The following DPP6 variants were observed in gnomAD, a reference collection of about 807,000 sequenced individuals.
DPP6 encodes A-type potassium channel modulatory protein DPP6.
In DPP6, 69 loss-of-function variants were observed where a neutral mutation model predicts 122.6. The observed-to-expected ratio is 0.56, with a 90% CI of 0.46 to 0.69. DPP6 has a LOEUF of 0.69. DPP6 is among the 30% of genes least tolerant of loss of function. DPP6 has a pLI of 0.00. For missense variants in DPP6, 928 were observed against 1,116.9 expected, an observed-to-expected ratio of 0.83 and a Z score of 2.41; for synonymous variants, 418 against 433.1, an observed-to-expected ratio of 0.97 and a Z score of 0.43.
At chr7:154,248,503 G>A (rs746968505) in intron 1 of DPP6, among the ~76,000 whole-genome samples, 43 of 152,186 alleles carry the variant, frequency 2.8e-4, no homozygotes, top group Non-Finnish European at 5.1e-4. Context: ...ATGAGAAAAT[G>A]TCTTCTGTCT....
chr7:153,951,340 G>C (rs1294389249), intron 1 of DPP6, among the ~76,000 whole-genome samples: 1 of 152,306 alleles, frequency 6.6e-6, no homozygotes, highest in African/African-American at 2.4e-5. Context: ...GAGAATATCT[G>C]ACCTGCTCCT....
exon 1 of DPP6, chr7:153,887,619 T>C: frequency 6.3e-7 from 1 of 1,589,856 alleles, no homozygotes. Context: ...ACTTTAATCC[T>C]CACCAGGACA....
At chr7:154,884,918 TCACA>T (rs1259694384) in intron 21 of DPP6, 2 of 152,548 alleles carry the variant, frequency 1.3e-5, no homozygotes, top group Admixed American at 1.3e-4. Flanking sequence ...CCCCATATAC[TCACA>T]CACACGCTGC....
intron 1 of DPP6, among the ~76,000 whole-genome samples, chr7:153,957,503 CAGTAA>C (rs1563047594): frequency 6.6e-6 from 1 of 152,178 alleles, no homozygotes. Flanking sequence ...GAAGTTGGAG[CAGTAA>C]AGCTGATGGG....
At chr7:154,615,739 T>A (rs1400460052) in intron 5 of DPP6, among the ~76,000 whole-genome samples, 1 of 151,898 alleles carries the variant, frequency 6.6e-6, no homozygotes, top group Non-Finnish European at 1.5e-5. Flanking sequence ...TTTTTCATCA[T>A]CCACAACAGA....
chr7:153,947,720 G>T (rs936677086), intron 1 of DPP6, among the ~76,000 whole-genome samples: 1 of 152,060 alleles, frequency 6.6e-6, no homozygotes, highest in African/African-American at 2.4e-5. Context: ...GAGGGTGATC[G>T]GTGGGAACCG....
At chr7:154,547,482 C>T (rs989819820) in intron 4 of DPP6, among the ~76,000 whole-genome samples, 3 of 152,194 alleles carry the variant, frequency 2.0e-5, no homozygotes, top group African/African-American at 7.2e-5. Flanking sequence ...AGGCAGCTGG[C>T]CCCTCAGACA....
chr7:154,010,954 G>A (rs968969104), intron 1 of DPP6, among the ~76,000 whole-genome samples: 1 of 152,216 alleles, frequency 6.6e-6, no homozygotes, highest in South Asian at 2.1e-4. Context: ...GTCAGAAGTA[G>A]AAATGGGTAC....
chr7:154,452,106 C>A (rs1820431355), intron 2 of DPP6, among the ~76,000 whole-genome samples: 1 of 152,226 alleles, frequency 6.6e-6, no homozygotes, highest in African/African-American at 2.4e-5. Flanking sequence ...TGCCTGCCAA[C>A]AGAGCCAGCA....
intron 16 of DPP6, among the ~76,000 whole-genome samples, chr7:154,814,803 A>G (rs984439718): frequency 4.6e-5 from 7 of 152,136 alleles, no homozygotes; most frequent in Admixed American, 2.6e-4. Flanking sequence ...TTTTTGACTT[A>G]CCAATGTATT....
intron 1 of DPP6, among the ~76,000 whole-genome samples, chr7:154,432,136 T>C (rs1306449960): frequency 6.6e-6 from 1 of 152,182 alleles, no homozygotes; most frequent in Non-Finnish European, 1.5e-5. Flanking sequence ...ACAGTACAAG[T>C]AGTTTAGCTT....
chr7:154,382,728 C>T (rs1338320974), intron 1 of DPP6, among the ~76,000 whole-genome samples: 2 of 152,004 alleles, frequency 1.3e-5, no homozygotes, highest in African/African-American at 4.8e-5. Flanking sequence ...TTTTAGTATT[C>T]CTTTTTGTTT....
intron 1 of DPP6, among the ~76,000 whole-genome samples, chr7:154,314,886 A>T (rs140637641): frequency 2.3e-4 from 35 of 152,334 alleles, no homozygotes; most frequent in South Asian, 1.9e-3. Flanking sequence ...GGGTTAACAA[A>T]TTCTCGCCTG....
Position 154,412,773 on chromosome 7 carries a change from C to G in DPP6, c.244-33441C>G, listed in dbSNP as rs117773667. ...GTGACTTCATCTCACTCGACGACCT[C>G]ACCTGACTATTCCCTGGCCTCTGCC... On this transcript the variant is annotated intron_variant, in intron 1 of 25. Transcript: ENST00000377770. 2.0e-4 allele frequency among the ~76,000 whole-genome samples: 30 copies of G among 152,312 alleles called. No individual in the cohort carries two copies. In the East Asian group the frequency reaches 5.8e-3, roughly 30 times the overall value.
chr7:154,611,612 A>G (rs1833914334), intron 5 of DPP6, among the ~76,000 whole-genome samples: 1 of 152,144 alleles, frequency 6.6e-6, no homozygotes, highest in African/African-American at 2.4e-5. Flanking sequence ...TAACAATGAG[A>G]CTTCTTCTAA....
chr7:153,932,167 C>CTGGA (rs1405365560), intron 1 of DPP6, among the ~76,000 whole-genome samples: 4 of 145,428 alleles, frequency 2.8e-5, no homozygotes, highest in East Asian at 4.1e-4. Context: ...GTCACCCAGG[C>CTGGA]TGGAGTACAA....
chr7:154,343,822 C>T (rs1164912665), intron 1 of DPP6, among the ~76,000 whole-genome samples: 1 of 151,950 alleles, frequency 6.6e-6, no homozygotes, highest in East Asian at 1.9e-4. Context: ...CTCAAGTGAT[C>T]CTCCCGCCTT....
intron 1 of DPP6, among the ~76,000 whole-genome samples, chr7:153,988,116 G>A (rs1424213978): frequency 6.6e-6 from 1 of 152,200 alleles, no homozygotes; most frequent in Non-Finnish European, 1.5e-5. Context: ...TTGCCTCAGT[G>A]AACTTAATCT....
the DPP6 span, among the ~76,000 whole-genome samples, chr7:153,870,416 G>T: frequency 6.6e-6 from 1 of 152,094 alleles, no homozygotes; most frequent in Non-Finnish European, 1.5e-5. Context: ...TTCCATCGCT[G>T]ATACTCTTTC....
Sources: gnomAD v4.1 joint callset for allele counts (sites outside exome capture counted in the v4.1 genomes callset) on GRCh38, gnomAD v4.1.1 for gene constraint, MANE v1.5 for transcripts, NCBI Gene and HGNC (gene_info 2026-07-23, HGNC 2026-07-21) for gene names.